The following SLC17A1 variants were observed in gnomAD, a reference collection of about 807,000 sequenced individuals.
SLC17A1 encodes the protein sodium-dependent phosphate transport protein 1.
In SLC17A1, 51 loss-of-function variants were observed where a neutral mutation model predicts 53.5. That is an observed-to-expected ratio of 0.95 (90% CI 0.76 to 1.20). The LOEUF is 1.20. Ranked by LOEUF, SLC17A1 falls within the 50% of genes most tolerant of loss-of-function variation. The pLI is 0.00. For missense variants in SLC17A1, 538 were observed against 568.2 expected (o/e 0.95, Z 0.54); for synonymous variants, 179 against 198.8 (o/e 0.90, Z 0.84).
chr6:25,803,721 G>A (rs747561698), intron 10 of SLC17A1, among the ~76,000 whole-genome samples: 24 of 152,000 alleles, frequency 1.6e-4, no homozygotes, highest in Non-Finnish European at 3.1e-4. Flanking sequence ...TTAACTGGTA[G>A]GTTGTTATGA....
the SLC17A1 span, chr6:25,776,814 G>T: frequency 4.3e-6 from 7 of 1,613,928 alleles, no homozygotes; most frequent in African/African-American, 6.7e-5. Context: ...TACCCCAGGG[G>T]TTCTCTTCCC....
At chr6:25,789,054 A>G (rs901670532) in intron 12 of SLC17A1, among the ~76,000 whole-genome samples, 15 of 152,184 alleles carry the variant, frequency 9.9e-5, no homozygotes, top group Non-Finnish European at 1.6e-4. Flanking sequence ...AGCAAACCTG[A>G]GGGCAGAGGC....
At chr6:25,787,378 G>C (rs1434926119) in intron 12 of SLC17A1, among the ~76,000 whole-genome samples, 4 of 151,888 alleles carry the variant, frequency 2.6e-5, no homozygotes, top group Admixed American at 1.3e-4. Context: ...AGCAAGGTAG[G>C]CTGCCTCACT....
intron 2 of SLC17A1, among the ~76,000 whole-genome samples, chr6:25,827,265 G>T (rs1041774434): frequency 6.6e-6 from 1 of 151,894 alleles, no homozygotes; most frequent in Non-Finnish European, 1.5e-5. Flanking sequence ...GAGAAATACA[G>T]GTATATGTCT....
chr6:25,785,034 G>T (rs936973639), intron 12 of SLC17A1, among the ~76,000 whole-genome samples: 5 of 151,962 alleles, frequency 3.3e-5, no homozygotes, highest in Non-Finnish European at 7.4e-5. Context: ...AAAAATATTA[G>T]AACTAATGAG....
In SLC17A1 at chr6:25,826,601, A is replaced by G; in HGVS notation, c.67T>C (p.Ser23Pro). 1 of 1,592,358 alleles carries G rather than the reference A, an allele frequency of 6.3e-7. No individual in the cohort carries two copies. The highest frequency in any genetic ancestry group is 1.1e-5 in the South Asian group (1 of 87,168). Residue 23 changes from serine (S) to proline (P), a missense_variant, in exon 3 of 13, where the codon TCT becomes CCT. Transcript: ENST00000244527. Reference sequence around the variant, plus strand: ...ACATTACAACAGTGCACAAGGAAAGACAATCCATAGCGAAAGGAACAGAAA... The same window carrying G: ...ACATTACAACAGTGCACAAGGAAAGGCAATCCATAGCGAAAGGAACAGAAA... ...PGFCSFRYGL[S>P]FLVHCCNVII...
At chr6:25,748,057 A>G in the SLC17A1 span, among the ~76,000 whole-genome samples, 1 of 152,248 alleles carries the variant, frequency 6.6e-6, no homozygotes, top group Non-Finnish European at 1.5e-5. Context: ...AACACTTAGT[A>G]AAACAAGAAT....
At chr6:25,755,036 GACAC>G in the SLC17A1 span, among the ~76,000 whole-genome samples, 2 of 106,742 alleles carry the variant, frequency 1.9e-5, no homozygotes, top group Non-Finnish European at 3.8e-5. Flanking sequence ...CAGACAGACA[GACAC>G]ACACACATAC....
chr6:25,797,123 A>T (rs1208264926), intron 12 of SLC17A1, among the ~76,000 whole-genome samples: 3 of 152,252 alleles, frequency 2.0e-5, no homozygotes, highest in Non-Finnish European at 2.9e-5. Context: ...ATGCTATTGC[A>T]TGTATCTTCT....
intron 10 of SLC17A1, among the ~76,000 whole-genome samples, chr6:25,804,087 A>G (rs1319213302): frequency 1.3e-5 from 2 of 152,164 alleles, no homozygotes; most frequent in African/African-American, 4.8e-5. Flanking sequence ...ATCATTAATG[A>G]TTAACATATC....
chr6:25,788,816 G>A (rs567572573), intron 12 of SLC17A1, among the ~76,000 whole-genome samples: 1 of 152,180 alleles, frequency 6.6e-6, no homozygotes, highest in African/African-American at 2.4e-5. Context: ...GCACACAAGG[G>A]GATTGACAAA....
chr6:25,803,215 G>A (rs1763842255), intron 10 of SLC17A1, among the ~76,000 whole-genome samples: 1 of 152,036 alleles, frequency 6.6e-6, no homozygotes, highest in Non-Finnish European at 1.5e-5. Context: ...GGGATTACAG[G>A]CGTGAGCCAC....
the SLC17A1 span, among the ~76,000 whole-genome samples, chr6:25,756,229 C>T: frequency 1.3e-5 from 2 of 152,138 alleles, no homozygotes; most frequent in African/African-American, 4.8e-5. Flanking sequence ...CATTAACCTC[C>T]TCATTCACTC....
At chr6:25,727,150 G>T in the SLC17A1 span, 3 of 1,614,174 alleles carry the variant, frequency 1.9e-6, no homozygotes, top group South Asian at 1.1e-5. Context: ...GAGGCATCAC[G>T]TTTGGCTCAC....
At chr6:25,822,908 T>G (rs1764613762) in intron 3 of SLC17A1, among the ~76,000 whole-genome samples, 1 of 152,150 alleles carries the variant, frequency 6.6e-6, no homozygotes, top group African/African-American at 2.4e-5. Context: ...ATTAAGACAG[T>G]GAACATATTC....
the SLC17A1 span, among the ~76,000 whole-genome samples, chr6:25,733,790 GTGTGTGTGTGTGTGTA>G: frequency 8.0e-6 from 1 of 125,570 alleles, no homozygotes; most frequent in African/African-American, 3.2e-5. Flanking sequence ...TACTGTGTGT[GTGTGTGTGTGTGTGTA>G]TGTGTGTGTG....
At chr6:25,816,144 G>GA (rs1764348333) in intron 6 of SLC17A1, among the ~76,000 whole-genome samples, 1 of 151,938 alleles carries the variant, frequency 6.6e-6, no homozygotes, top group African/African-American at 2.4e-5. Context: ...AAGCCAAAGG[G>GA]AAAAAAATGA....
chr6:25,814,977 A>ACT (rs1764287184), intron 6 of SLC17A1, among the ~76,000 whole-genome samples: 1 of 135,970 alleles, frequency 7.4e-6, no homozygotes, highest in African/African-American at 3.1e-5. Flanking sequence ...CAAAAGCAAG[A>ACT]CTCTGTCACA....
At position 25,826,598 on chromosome 6, in the gene SLC17A1, A is replaced by G; in HGVS notation, c.70T>C (p.Phe24Leu). Reference sequence around the variant, plus strand: ...ATAACATTACAACAGTGCACAAGGAAAGACAATCCATAGCGAAAGGAACAG... The same window carrying G: ...ATAACATTACAACAGTGCACAAGGAGAGACAATCCATAGCGAAAGGAACAG... ...GFCSFRYGLS[F>L]LVHCCNVIIT... The change falls in exon 3 of 13, where the codon TTC (phenylalanine) becomes CTC (leucine). Residue 24 changes from phenylalanine to leucine, a missense_variant. Phe to Leu is a conservative substitution (Grantham distance 22, BLOSUM62 0). Coordinates refer to ENST00000244527, the MANE Select transcript of SLC17A1 (RefSeq NM_005074.5). 6.3e-7 allele frequency: 1 copy of G among 1,595,038 alleles called. No homozygotes were observed. Among genetic ancestry groups the G allele is most frequent in the South Asian group, 1.1e-5 (1 of 87,646 alleles).
Sources: gnomAD v4.1 joint callset for allele counts (sites outside exome capture counted in the v4.1 genomes callset) on GRCh38, gnomAD v4.1.1 for gene constraint, MANE v1.5 for transcripts, NCBI Gene and HGNC (gene_info 2026-07-23, HGNC 2026-07-21) for gene names.